PANX2: variants seen among roughly 807,000 people sequenced by gnomAD.
The protein encoded by PANX2 is pannexin-2.
PANX2 carries 30 observed loss-of-function variants against 38.7 expected under a neutral mutation model. That is an observed-to-expected ratio of 0.78 (90% confidence interval 0.58 to 1.05). PANX2 has a LOEUF of 1.05. Ranked by LOEUF, PANX2 falls within the 50% of genes least tolerant of loss-of-function variation. The pLI is 0.00. For missense variants in PANX2, 880 were observed against 979.3 expected (o/e 0.90, Z 1.35); for synonymous variants, 539 against 472.1 (o/e 1.14, Z -1.84).
Position 50,178,985 on chromosome 22 carries a change from C to G in PANX2, c.1742C>G (p.Ala581Gly), listed in dbSNP as rs1461654791. The G allele has an allele frequency of 6.2e-7, 1 of 1,607,226 alleles. No homozygotes were observed. The highest frequency in any genetic ancestry group is 1.7e-5 in the Admixed American group (1 of 59,556). ...EIPYPTEPAR[A>G]GLPSGGPFHV... ...CCGTACCCCACAGAGCCAGCCCGGG[C>G]AGGGCTTCCCTCGGGGGGCCCGTTC... Residue 581 changes from alanine (A) to glycine (G), a missense_variant, in exon 3 of 3, where the codon GCA becomes GGA. Ala to Gly is a moderately conservative substitution (Grantham distance 60). Coordinates refer to ENST00000395842, the MANE Select transcript of PANX2 (RefSeq NM_052839.4).
At position 50,179,321 on chromosome 22, in the gene PANX2, C is replaced by T. The variant is rs768254972; in HGVS notation, c.*44C>T. On this transcript the variant is annotated 3_prime_UTR_variant, in exon 3 of 3. Coordinates refer to ENST00000395842, the MANE Select transcript of PANX2 (RefSeq NM_052839.4). ...CCGCCGAGAGCCCCTCTGCCTGTGT[C>T]GTGTGGCCTGGCCAGCCTCCCGGTG... The T allele has an allele frequency of 5.2e-6, 8 of 1,551,388 alleles. No individual in the cohort carries two copies. Among genetic ancestry groups the T allele is most frequent in the Middle Eastern group, 1.7e-4 (1 of 5,812 alleles).
chr22:50,178,214 CG>C lies in PANX2; in HGVS notation c.1503del (p.Pro502ArgfsTer54). ...CCCGGCCCCGCCCCTGCCCCCGCCCCGCCGCCCGCCCCTGACAAGAAGCACG... is the reference window on the plus strand; with the variant it reads ...CCCGGCCCCGCCCCTGCCCCCGCCCCCCGCCCGCCCCTGACAAGAAGCACG... ...PGPGPAPAPAPPPAPDKKHAR... is the reference protein window; with the variant it reads ...PGPGPAPAPAXPPAPDKKHAR... On this transcript the variant is annotated frameshift_variant, in exon 2 of 3. Transcript: ENST00000395842. LOFTEE classifies it high-confidence loss of function. The C allele has an allele frequency of 9.5e-6, 14 of 1,468,810 alleles. No homozygotes were observed. The highest frequency in any genetic ancestry group is 1.2e-5 in the Non-Finnish European group (13 of 1,120,130). The allele number at this position is 1,468,810 out of a possible 1,614,324, so 91.0% of individuals were successfully genotyped here. A position where few individuals can be genotyped will look rare whatever the true frequency, so the allele number is the denominator to read the frequency against.
intron 2 of PANX2, 50 bp from the exon 3 acceptor site, chr22:50,178,884 C>A: frequency 6.9e-7 from 1 of 1,452,614 alleles, no homozygotes; most frequent in Non-Finnish European, 9.3e-7. Context: ...GCGCTGGGGG[C>A]GGCGCAGCGG....
intron 1 of PANX2, among the ~76,000 whole-genome samples, chr22:50,172,449 T>G (rs1379817349): frequency 6.6e-6 from 1 of 152,160 alleles, no homozygotes; most frequent in African/African-American, 2.4e-5. Context: ...CCTTTTTTTT[T>G]GAGACAGAGT....
chr22:50,171,015 G>A (rs897659601), intron 1 of PANX2, 59 bp downstream of exon 1: 1 of 915,460 alleles, frequency 1.1e-6, no homozygotes, highest in Non-Finnish European at 1.5e-6. Context: ...AGGTGTCCGG[G>A]AGCTGGCGCT....
Position 50,179,211 on chromosome 22 carries a change from C to A in PANX2, c.1968C>A (p.Ala656=). The A allele has an allele frequency of 6.2e-7, 1 of 1,612,732 alleles. No individual in the cohort carries two copies. The highest frequency in any genetic ancestry group is 2.2e-5 in the East Asian group (1 of 44,872). Residue 656 remains alanine (A), a synonymous_variant, in exon 3 of 3, where the codon GCC becomes GCA. Transcript: ENST00000395842. ...TGGGGGACCTCATCGCCATCCCTGC[C>A]CCACAGCAGATCCTCATCGCCACCT... ...QDVGDLIAIP[A]PQQILIATFD... is the part of the protein sequence containing the mutation.
At chr22:50,173,187 G>A (rs141954718) in intron 1 of PANX2, among the ~76,000 whole-genome samples, 2,743 of 147,110 alleles carry the variant, frequency 0.019, 16 homozygotes, top group African/African-American at 0.069. Context: ...TTGAGCCACC[G>A]TGCCTGACCC....
At chr22:50,174,828 C>T (rs1294399364) in intron 1 of PANX2, among the ~76,000 whole-genome samples, 1 of 152,172 alleles carries the variant, frequency 6.6e-6, no homozygotes, top group Non-Finnish European at 1.5e-5. Flanking sequence ...CAGGCCAGCA[C>T]CCCCGGCCCT....
At position 50,178,290 on chromosome 22, in the gene PANX2, G is replaced by A; in HGVS notation, c.1578G>A (p.Lys526=). ...ACCCCTACATCCTCGGCACCAAGAAGGCCAAGGCCGAGGCGGTGCCCGCCG... is the reference window on the plus strand; with the variant it reads ...ACCCCTACATCCTCGGCACCAAGAAAGCCAAGGCCGAGGCGGTGCCCGCCG... ...DVHPYILGTK[K]AKAEAVPAAL... Residue 526 remains lysine (K), a synonymous_variant, in exon 2 of 3, where the codon AAG becomes AAA. Coordinates refer to ENST00000395842, the MANE Select transcript of PANX2 (RefSeq NM_052839.4). 6.6e-7 allele frequency: 1 copy of A among 1,509,016 alleles called. No individual in the cohort carries two copies. Among genetic ancestry groups the A allele is most frequent in the Non-Finnish European group, 8.8e-7 (1 of 1,131,472 alleles). 93.5% of individuals were successfully genotyped at this position (1,509,016 alleles called of 1,614,324 possible). A position where few individuals can be genotyped will look rare whatever the true frequency, so the allele number is the denominator to read the frequency against.
intron 1 of PANX2, among the ~76,000 whole-genome samples, chr22:50,175,884 G>T (rs376937045): frequency 6.6e-6 from 1 of 152,254 alleles, no homozygotes; most frequent in Non-Finnish European, 1.5e-5. Flanking sequence ...TCTCTAATCC[G>T]CCTCGCTTTC....
Position 50,178,397 on chromosome 22 carries a change from T to G in PANX2, c.1685T>G (p.Ile562Ser), listed in dbSNP as rs1243251682. Residue 562 changes from isoleucine (I) to serine (S), a missense_variant, in exon 2 of 3, where the codon ATC becomes AGC. By Grantham distance (142) the Ile-to-Ser change is moderately radical. This residue lies in a region of PANX2 where 445 missense variants were observed against 404.3 expected (regional missense o/e 1.10). Transcript: ENST00000395842. ...DCGLGLAPAPIKDAPLPEKEI... is the reference protein window; with the variant it reads ...DCGLGLAPAPSKDAPLPEKEI... ...GGGCTAGGCCTGGCCCCGGCGCCCA[T>G]CAAAGGTAGGGGCAGGGCCGGAGAG... 39 of 1,412,410 alleles carry G rather than the reference T, an allele frequency of 2.8e-5. No homozygotes were observed. Among genetic ancestry groups the G allele is most frequent in the Non-Finnish European group, 3.4e-5 (37 of 1,088,338 alleles). The allele number at this position is 1,412,410 out of a possible 1,614,324, so 87.5% of individuals were successfully genotyped here.
At position 50,178,626 on chromosome 22, in the gene PANX2, C is replaced by G. The variant is rs2147064966; in HGVS notation, c.1690+224C>G. 2.0e-5 allele frequency among the ~76,000 whole-genome samples: 3 copies of G among 152,346 alleles called. No homozygotes were observed. In the South Asian group the frequency reaches 6.2e-4, roughly 32 times the overall value. ...GCCAGGCAGGGCCCTGGAGACCCCC[C>G]CGGGAGGCAGGTGGGGAAGATGCAG... On this transcript the variant is annotated intron_variant, in intron 2 of 2. Transcript: ENST00000395842.
Position 50,177,170 on chromosome 22 carries a change from A to G in PANX2, c.458A>G (p.Glu153Gly). 1 of 1,608,916 alleles carries G rather than the reference A, an allele frequency of 6.2e-7. No homozygotes were observed. The highest frequency in any genetic ancestry group is 8.5e-7 in the Non-Finnish European group (1 of 1,177,856). The change falls in exon 2 of 3, where the codon GAG (glutamate) becomes GGG (glycine). Residue 153 changes from glutamate (E) to glycine (G), a missense_variant. Coordinates refer to ENST00000395842, the MANE Select transcript of PANX2 (RefSeq NM_052839.4). ...EFLASTRLTS[E>G]LNFLLQEIDN... ...CTGGCCTCCACGCGCCTCACCTCCG[A>G]GCTCAACTTCCTGCTGCAGGAGATC...
chr22:50,176,730 C>T (rs866394617), intron 1 of PANX2, among the ~76,000 whole-genome samples: 21 of 152,290 alleles, frequency 1.4e-4, no homozygotes, highest in African/African-American at 4.1e-4. Flanking sequence ...CGCAGCTGAC[C>T]TCGTGGGGGT....
At chr22:50,175,405 C>T (rs747576568) in intron 1 of PANX2, 4 of 1,270,322 alleles carry the variant, frequency 3.1e-6, no homozygotes, top group African/African-American at 1.5e-5. Context: ...GGACGGGACA[C>T]AAACCTGTCC....
At chr22:50,178,467 C>A (rs1009856012) in intron 2 of PANX2, 65 bp downstream of exon 2, 3 of 1,130,460 alleles carry the variant, frequency 2.7e-6, no homozygotes, top group African/African-American at 1.7e-5. Context: ...ACAGCCACAG[C>A]GGCCCACGGG....
At position 50,179,560 on chromosome 22, in the gene PANX2, T is replaced by C; in HGVS notation, c.*283T>C. 1 of 468,378 alleles carries C rather than the reference T, an allele frequency of 2.1e-6. No homozygotes were observed. Among genetic ancestry groups the C allele is most frequent in the Non-Finnish European group, 3.8e-6 (1 of 261,680 alleles). The allele number at this position is 468,378 out of a possible 1,614,324, so 29.0% of individuals were successfully genotyped here. ...CCGCTTCCCATGCTCCTGCATCAGGTGCCCAGCCGTGGGTGGGGGCCCTGA... is the reference window on the plus strand; with the variant it reads ...CCGCTTCCCATGCTCCTGCATCAGGCGCCCAGCCGTGGGTGGGGGCCCTGA... On this transcript the variant is annotated 3_prime_UTR_variant, in exon 3 of 3. Transcript: ENST00000395842.
Position 50,178,347 on chromosome 22 carries a change from C to A in PANX2, c.1635C>A (p.Gly545=). 6.7e-7 allele frequency: 1 copy of A among 1,495,310 alleles called. No homozygotes were observed. The highest frequency in any genetic ancestry group is 1.3e-5 in the South Asian group (1 of 77,318). 92.6% of individuals were successfully genotyped at this position (1,495,310 alleles called of 1,614,324 possible). A position where few individuals can be genotyped will look rare whatever the true frequency, so the allele number is the denominator to read the frequency against. ...ALPASRSQEG[G]FLSQAEDCGL... is the part of the protein sequence containing the mutation. ...CCGCCTCCCGGAGCCAGGAGGGGGG[C>A]TTCCTGTCCCAGGCGGAGGACTGTG... Residue 545 remains glycine, a synonymous_variant, in exon 2 of 3, where the codon GGC becomes GGA. Coordinates refer to ENST00000395842, the MANE Select transcript of PANX2 (RefSeq NM_052839.4).
Position 50,177,714 on chromosome 22 carries a change from G to T in PANX2, c.1002G>T (p.Arg334=). 3.1e-6 allele frequency: 5 copies of T among 1,610,446 alleles called. No individual in the cohort carries two copies. Among genetic ancestry groups the T allele is most frequent in the Non-Finnish European group, 4.2e-6 (5 of 1,179,516 alleles). The change falls in exon 2 of 3, where the codon CGG becomes CGT. Residue 334 remains arginine (R), a synonymous_variant. Coordinates refer to ENST00000395842, the MANE Select transcript of PANX2 (RefSeq NM_052839.4). ...ACAAGGTGGGCATCAAGACGCGCCG[G>T]CAGTGGCGCCGCTCGCAGTTCTGCG... ...KLHKVGIKTR[R]QWRRSQFCDI...
Sources: allele counts gnomAD v4.1 joint callset (sites outside exome capture counted in the v4.1 genomes callset), GRCh38; gene constraint gnomAD v4.1.1; regional missense constraint gnomAD v4.1.1; transcripts MANE v1.5; gene names NCBI Gene and HGNC (gene_info 2026-07-23, HGNC 2026-07-21).